LAMA4: variants seen among roughly 807,000 people sequenced by gnomAD.
The protein encoded by LAMA4 is laminin subunit alpha 4.
Under a neutral mutation model 207.1 loss-of-function variants are expected in LAMA4, and 127 were observed. The observed-to-expected ratio is 0.61, with a 90% CI of 0.53 to 0.71. The LOEUF (loss-of-function observed/expected upper bound fraction) is 0.71, where lower values mean the gene tolerates loss of function less well. Among genes scored for constraint, LAMA4 ranks in the 30% least tolerant of loss-of-function variants. LAMA4 has a pLI of 0.00. For missense variants in LAMA4, 2,093 were observed against 2,246.5 expected (o/e 0.93, Z 1.38); for synonymous variants, 761 against 816.0 (o/e 0.93, Z 1.15).
chr6:112,212,514 G>A (rs939977457), intron 3 of LAMA4, among the ~76,000 whole-genome samples: 6 of 152,080 alleles, frequency 3.9e-5, no homozygotes, highest in African/African-American at 1.2e-4. Flanking sequence ...TTGAGCCACC[G>A]TGCCCGGCCA....
intron 2 of LAMA4, among the ~76,000 whole-genome samples, chr6:112,222,909 T>C (rs1554361017): frequency 6.6e-6 from 1 of 152,242 alleles, no homozygotes; most frequent in Non-Finnish European, 1.5e-5. Context: ...ATTGTATTTA[T>C]TAATACTAAT....
At chr6:112,171,215 C>CTT (rs553860003) in intron 12 of LAMA4, among the ~76,000 whole-genome samples, 2 of 143,738 alleles carry the variant, frequency 1.4e-5, no homozygotes, top group Non-Finnish European at 1.5e-5. Context: ...TCTGTCTCTC[C>CTT]TTTTTTTTTT....
chr6:112,231,400 C>T lies in LAMA4; in HGVS notation c.196-14931G>A, dbSNP rs572813621. Among the ~76,000 whole-genome samples, 8 of 152,210 alleles carry T rather than the reference C, an allele frequency of 5.3e-5. No homozygotes were observed. The South Asian group carries it at 1.2e-3, about 24-fold the overall frequency. ...TAGTCCTCAGAGACAGCCCATTAGG[C>T]CTCTCTTATTACTTGGTTTGACATA... is the stretch of plus-strand genomic sequence containing the variant. On this transcript the variant is annotated intron_variant, in intron 2 of 38. Transcript: ENST00000230538.
rs368493878 is a variant in LAMA4, at chr6:112,122,098, C to G, written c.4391G>C (p.Arg1464Thr). The G allele has an allele frequency of 1.2e-6, 2 of 1,613,890 alleles. No homozygotes were observed. Among genetic ancestry groups the G allele is most frequent in the South Asian group, 2.2e-5 (2 of 91,056 alleles). The change falls in exon 32 of 39, where the codon AGA (arginine) becomes ACA (threonine). Residue 1464 changes from arginine (R) to threonine (T), a missense_variant. Physicochemically the swap from Arg to Thr is moderately conservative, Grantham distance 71. Around this residue, in one of 3 missense-constraint regions of LAMA4, gnomAD observed 6 missense variants for 20.3 expected, o/e 0.30. Coordinates refer to ENST00000230538, the MANE Select transcript of LAMA4 (RefSeq NM_001105206.3). The part of the protein sequence containing the change: ...NSHCHLSNSP[R>T]AIEHAYQYGG... Reference sequence around the variant, plus strand: ...ATATTGATAGGCGTGCTCTATTGCTCTAGGGCTGTTGGAAAGGTGGCAATG... The same window carrying G: ...ATATTGATAGGCGTGCTCTATTGCTGTAGGGCTGTTGGAAAGGTGGCAATG...
chr6:112,177,545 G>A (rs1272563305), intron 10 of LAMA4, among the ~76,000 whole-genome samples: 4 of 152,186 alleles, frequency 2.6e-5, no homozygotes, highest in African/African-American at 9.7e-5. Context: ...TATCCTGCAT[G>A]TATTGCAAGT....
intron 9 of LAMA4, among the ~76,000 whole-genome samples, chr6:112,183,995 C>T (rs1048084686): frequency 7.4e-5 from 11 of 149,138 alleles, no homozygotes; most frequent in African/African-American, 2.7e-4. Context: ...ATAGTTTTAG[C>T]AAGTTTCAAC....
rs1562652637 is a variant in LAMA4 at position 112,140,788 on chromosome 6, T to C, written c.2948A>G (p.Tyr983Cys). 1 of 1,614,072 alleles carries C rather than the reference T, an allele frequency of 6.2e-7. No homozygotes were observed. Among genetic ancestry groups the C allele is most frequent in the Non-Finnish European group, 8.5e-7 (1 of 1,179,984 alleles). The change falls in exon 22 of 39, where the codon TAT becomes TGT. Residue 983 changes from tyrosine to cysteine, a missense_variant. By Grantham distance (194) the Tyr-to-Cys change is radical (BLOSUM62 -2). Around this residue, in one of 3 missense-constraint regions of LAMA4, gnomAD observed 1,704 missense variants for 1,788.4 expected, o/e 0.95. Transcript: ENST00000230538. Reference sequence around the variant, plus strand: ...GAAGTTGGAAGGCACTCCACCAACATAAAACACTGTGTCCTCAGGGTCCAG... The same window carrying C: ...GAAGTTGGAAGGCACTCCACCAACACAAAACACTGTGTCCTCAGGGTCCAG... Reference protein sequence around the residue: ...LDLDPEDTVFYVGGVPSNFKL... With the variant: ...LDLDPEDTVFCVGGVPSNFKL...
chr6:112,245,712 C>G (rs1007795549), intron 2 of LAMA4, among the ~76,000 whole-genome samples: 8 of 152,118 alleles, frequency 5.3e-5, no homozygotes, highest in Non-Finnish European at 1.5e-5. Context: ...CGGGATTTCT[C>G]TAACTCATCA....
chr6:112,169,612 T>A (rs1203908656), intron 12 of LAMA4, among the ~76,000 whole-genome samples: 1 of 152,190 alleles, frequency 6.6e-6, no homozygotes, highest in Non-Finnish European at 1.5e-5. Context: ...GAAGGAGAAC[T>A]GAGGTGGAGC....
intron 12 of LAMA4, chr6:112,171,849 G>GT (rs1465616996): frequency 6.6e-6 from 1 of 152,282 alleles, no homozygotes; most frequent in Non-Finnish European, 1.5e-5. Context: ...AGAGAGCCTA[G>GT]TTTAAGTGGC....
intron 8 of LAMA4, chr6:112,187,214 C>T (rs566425308): frequency 3.3e-6 from 2 of 607,946 alleles, no homozygotes; most frequent in East Asian, 5.9e-5. Flanking sequence ...CATTTCATTT[C>T]CCATATAACC....
intron 31 of LAMA4, among the ~76,000 whole-genome samples, chr6:112,123,658 C>T (rs944249830): frequency 1.3e-5 from 2 of 152,186 alleles, no homozygotes; most frequent in African/African-American, 2.4e-5. Context: ...AAAGGACAGA[C>T]GAGCTGTGCC....
In LAMA4 at chr6:112,187,577, A is replaced by G. The variant is rs1782766195; in HGVS notation, c.839T>C (p.Leu280Pro). 6.2e-7 allele frequency: 1 copy of G among 1,614,072 alleles called. No homozygotes were observed. The highest frequency in any genetic ancestry group is 8.5e-7 in the Non-Finnish European group (1 of 1,179,994). Residue 280 changes from leucine to proline, a missense_variant, in exon 8 of 39, where the codon CTG becomes CCG. Physicochemically the swap from Leu to Pro is moderately conservative, Grantham distance 98. This residue lies in a region of LAMA4 where 1,704 missense variants were observed against 1,788.4 expected (regional missense o/e 0.95). Transcript: ENST00000230538. Reference protein sequence around the residue: ...TISCDKCVWDLTDDLRLAALS... With the variant: ...TISCDKCVWDPTDDLRLAALS... ...CGCTGCTAACCGCAGGTCATCAGTC[A>G]GGTCCCAGACGCACTTATCACAGCC...
chr6:112,159,328 G>GTTAAC (rs111650573), intron 13 of LAMA4: 107,436 of 175,050 alleles, frequency 0.61, 33,337 homozygotes, highest in African/African-American at 0.65. Context: ...CAAAAGAGAA[G>GTTAAC]TTAATTACAT....
chr6:112,116,953 G>T, intron 35 of LAMA4, among the ~76,000 whole-genome samples: 1 of 152,102 alleles, frequency 6.6e-6, no homozygotes, highest in Admixed American at 6.6e-5. Flanking sequence ...ACTACCTCTG[G>T]GTGTTCTGCT....
chr6:112,248,317 G>T (rs547964917), intron 2 of LAMA4, among the ~76,000 whole-genome samples: 1 of 151,988 alleles, frequency 6.6e-6, no homozygotes, highest in South Asian at 2.1e-4. Flanking sequence ...TGGCTAACAC[G>T]GTGAAACCCG....
At chr6:112,166,799 T>A (rs971403) in intron 12 of LAMA4, among the ~76,000 whole-genome samples, 1 of 152,034 alleles carries the variant, frequency 6.6e-6, no homozygotes, top group African/African-American at 2.4e-5. Context: ...TGTTGAAAAC[T>A]GATAATTATG....
rs1429994953 is a variant in LAMA4 at position 112,133,583 on chromosome 6, T to C, written c.3558-96A>G. 3 of 1,351,362 alleles carry C rather than the reference T, an allele frequency of 2.2e-6. No homozygotes were observed. The Admixed American group carries it at 5.0e-5, about 23-fold the overall frequency. The allele number at this position is 1,351,362 out of a possible 1,614,324, so 83.7% of individuals were successfully genotyped here. On this transcript the variant is annotated intron_variant, in intron 26 of 38. Coordinates refer to ENST00000230538, the MANE Select transcript of LAMA4 (RefSeq NM_001105206.3). The stretch of plus-strand genomic sequence containing the variant: ...ATTTGCATTTATTTATAGTCATTTG[T>C]AATGGCTTTATAATCATTCATATTC...
chr6:112,114,264 A>G (rs1777882560), intron 37 of LAMA4, 69 bp from the exon 38 acceptor site: 3 of 1,492,232 alleles, frequency 2.0e-6, no homozygotes, highest in African/African-American at 1.4e-5. Context: ...GAGAAAGACT[A>G]TTTATCACAG....
Sources: allele counts gnomAD v4.1 joint callset (sites outside exome capture counted in the v4.1 genomes callset), GRCh38; gene constraint gnomAD v4.1.1; regional missense constraint gnomAD v4.1.1; transcripts MANE v1.5; gene names NCBI Gene and HGNC (gene_info 2026-07-23, HGNC 2026-07-21).